Variants in SH3BP5 observed in about 807,000 individuals in gnomAD.
The protein encoded by SH3BP5 is SH3 domain-binding protein 5.
In SH3BP5, 22 loss-of-function variants were observed where a neutral mutation model predicts 43.3. The ratio of observed to expected loss-of-function variants is 0.51; its 90% CI spans 0.36 to 0.73. SH3BP5 has a LOEUF of 0.73. Among genes scored for constraint, SH3BP5 ranks in the 30% least tolerant of loss-of-function variants. The pLI is 0.00. For synonymous variants in SH3BP5, 255 were observed against 225.8 expected (o/e 1.13, Z -1.16); for missense variants, 529 against 586.9 (o/e 0.90, Z 1.02).
chr3:15,261,700 GAA>G (rs11327793), intron 5 of SH3BP5, among the ~76,000 whole-genome samples: 19 of 142,862 alleles, frequency 1.3e-4, no homozygotes, highest in East Asian at 4.1e-4. Flanking sequence ...AGAGATTGGA[GAA>G]AAAAAAAAAA....
chr3:15,290,002 C>T (rs1424433184), intron 3 of SH3BP5, among the ~76,000 whole-genome samples: 1 of 152,174 alleles, frequency 6.6e-6, no homozygotes, highest in Non-Finnish European at 1.5e-5. Flanking sequence ...GAAATAACAC[C>T]AAGCACTTTC....
chr3:15,319,427 T>C (rs7633709), intron 2 of SH3BP5, among the ~76,000 whole-genome samples: 47,381 of 152,058 alleles, frequency 0.31, 8,276 homozygotes, highest in African/African-American at 0.48. Flanking sequence ...ATATGTCCTA[T>C]GGGCCTCAAA....
At chr3:15,317,533 G>A (rs1698214069) in intron 2 of SH3BP5, among the ~76,000 whole-genome samples, 1 of 152,360 alleles carries the variant, frequency 6.6e-6, no homozygotes, top group South Asian at 2.1e-4. Context: ...AACTAGGGGT[G>A]CGGGGGAGTG....
intron 6 of SH3BP5, 29 bp from the exon 7 acceptor site, chr3:15,259,079 A>G: frequency 6.5e-7 from 1 of 1,549,474 alleles, no homozygotes; most frequent in Non-Finnish European, 8.9e-7. Context: ...GACTAAGTGA[A>G]GACTACCCTG....
At chr3:15,309,918 T>G (rs1178316647) in intron 2 of SH3BP5, among the ~76,000 whole-genome samples, 1 of 87,420 alleles carries the variant, frequency 1.1e-5, no homozygotes, top group Non-Finnish European at 2.4e-5. Flanking sequence ...CCCCCCCCCA[T>G]AAGAAAAAGC....
chr3:15,329,184 C>T (rs1698539530), intron 2 of SH3BP5, among the ~76,000 whole-genome samples: 1 of 151,992 alleles, frequency 6.6e-6, no homozygotes, highest in South Asian at 2.1e-4. Flanking sequence ...TTCAAATAGC[C>T]ATACGTTGCA....
At chr3:15,305,621 G>A (rs1257286170) in intron 2 of SH3BP5, among the ~76,000 whole-genome samples, 1 of 152,190 alleles carries the variant, frequency 6.6e-6, no homozygotes, top group African/African-American at 2.4e-5. Flanking sequence ...AGCATGAATA[G>A]GAAATTGGGG....
intron 5 of SH3BP5, among the ~76,000 whole-genome samples, chr3:15,261,533 T>A (rs1696436519): frequency 6.6e-6 from 1 of 152,188 alleles, no homozygotes; most frequent in South Asian, 2.1e-4. Flanking sequence ...GGTCTATCTT[T>A]GGCTGTTAAG....
rs556440475 is a variant in SH3BP5 at position 15,254,428 on chromosome 3, A to T, written c.*1658T>A. On this transcript the variant is annotated 3_prime_UTR_variant, in exon 9 of 9. Transcript: ENST00000383791. ...ATTATAAAACATTTCCACAAAAGAA[A>T]GAATCCATCTGATTCTCAACTCTGA... 5 of 152,240 alleles carry T rather than the reference A, an allele frequency of 3.3e-5. No homozygotes were observed. The highest frequency in any genetic ancestry group is 1.2e-4 in the African/African-American group (5 of 41,462). 9.4% of individuals were successfully genotyped at this position (152,240 alleles called of 1,614,324 possible). A position where few individuals can be genotyped will look rare whatever the true frequency, so the allele number is the denominator to read the frequency against.
At position 15,256,215 on chromosome 3, in the gene SH3BP5, GCTGCCACCA is replaced by G. The variant is rs370156307; in HGVS notation, c.1230_1238del (p.Gly411_Ser413del). On this transcript the variant is annotated inframe_deletion, in exon 9 of 9. Transcript: ENST00000383791. ...GGGAGGTGCTGCTTTGGCTCTTACT[GCTGCCACCA>G]CTGCCACTGCTACTGCTGAGGCCCC... 4.8e-5 allele frequency: 78 copies of G among 1,614,144 alleles called. No homozygotes were observed. The African/African-American group carries it at 8.8e-4, about 18-fold the overall frequency.
At chr3:15,279,546 C>G (rs1697063130) in intron 3 of SH3BP5, among the ~76,000 whole-genome samples, 1 of 152,146 alleles carries the variant, frequency 6.6e-6, no homozygotes, top group Non-Finnish European at 1.5e-5. Flanking sequence ...AAAGCTACTA[C>G]TTGCTTCAAA....
At chr3:15,329,119 C>A (rs898831239) in intron 2 of SH3BP5, among the ~76,000 whole-genome samples, 9 of 151,550 alleles carry the variant, frequency 5.9e-5, no homozygotes, top group Admixed American at 5.9e-4. Flanking sequence ...CACTGCACCC[C>A]AGCCTGGGCG....
intron 7 of SH3BP5, chr3:15,258,548 C>A (rs932574053): frequency 2.2e-6 from 1 of 455,322 alleles, no homozygotes; most frequent in Admixed American, 3.9e-5. Flanking sequence ...TCCTGCAGGA[C>A]TTCTCAGCCT....
rs1226893386 is a variant in SH3BP5, at chr3:15,257,457, CAT to C, written c.890-346_890-345del. ...CACCTCAGTCCCCCAAATACATCCT[CAT>C]GTGCACAGGAAGAGGTTCTAGTCCT... On this transcript the variant is annotated intron_variant, in intron 7 of 8. Transcript: ENST00000383791. 3.1e-5 allele frequency: 7 copies of C among 225,530 alleles called. No individual in the cohort carries two copies. In the East Asian group the frequency reaches 3.3e-4, roughly 11 times the overall value. The allele number at this position is 225,530 out of a possible 1,614,324, so 14.0% of individuals were successfully genotyped here.
At chr3:15,333,573 G>T (rs1362525734), upstream of SH3BP5, among the ~76,000 whole-genome samples, 1 of 152,158 alleles carries the variant, frequency 6.6e-6, no homozygotes, top group Non-Finnish European at 1.5e-5. Flanking sequence ...GAGATGCCAG[G>T]ACACAAGGAT....
At chr3:15,335,855 T>G (rs1698695307), upstream of SH3BP5, among the ~76,000 whole-genome samples, 1 of 152,240 alleles carries the variant, frequency 6.6e-6, no homozygotes, top group Non-Finnish European at 1.5e-5. Flanking sequence ...GGGCGTGGCC[T>G]AGGATTGTCT....
intron 2 of SH3BP5, among the ~76,000 whole-genome samples, chr3:15,324,117 C>T (rs368199458): frequency 6.6e-6 from 1 of 152,200 alleles, no homozygotes; most frequent in Non-Finnish European, 1.5e-5. Flanking sequence ...CACCAAAGGT[C>T]CTGTTAACAC....
At chr3:15,300,992 G>C (rs1376590970) in intron 3 of SH3BP5, among the ~76,000 whole-genome samples, 1 of 152,258 alleles carries the variant, frequency 6.6e-6, no homozygotes, top group East Asian at 1.9e-4. Flanking sequence ...CACTAGCCAA[G>C]AGAAGGGATG....
chr3:15,266,669 G>C (rs1169699774), intron 4 of SH3BP5, among the ~76,000 whole-genome samples: 4 of 152,206 alleles, frequency 2.6e-5, no homozygotes, highest in African/African-American at 9.7e-5. Flanking sequence ...TCAACTACAA[G>C]GTTGGCAGCT....
Sources: allele counts gnomAD v4.1 joint callset (sites outside exome capture counted in the v4.1 genomes callset), GRCh38; gene constraint gnomAD v4.1.1; transcripts MANE v1.5; gene names NCBI Gene and HGNC (gene_info 2026-07-23, HGNC 2026-07-21).